CMTM7: variants seen among roughly 807,000 people sequenced by gnomAD.
CMTM7 encodes CKLF like MARVEL transmembrane domain containing 7, also known as CKLF-like MARVEL transmembrane domain-containing protein 7.
A neutral mutation model predicts 19.3 loss-of-function variants in CMTM7; 7 were observed. The ratio of observed to expected loss-of-function variants is 0.36; its 90% confidence interval spans 0.21 to 0.68. The LOEUF (loss-of-function observed/expected upper bound fraction) is 0.68. Ranked by LOEUF, CMTM7 falls within the 30% of genes least tolerant of loss-of-function variation. The pLI, the probability that CMTM7 is intolerant of heterozygous loss-of-function variation, is 0.60. For synonymous variants in CMTM7, 87 were observed against 99.3 expected (o/e 0.88, Z 0.74); for missense variants, 193 against 232.6 (o/e 0.83, Z 1.11).
chr3:32,426,453 A>G (rs1696434600), intron 1 of CMTM7, among the ~76,000 whole-genome samples: 1 of 152,236 alleles, frequency 6.6e-6, no homozygotes, highest in Non-Finnish European at 1.5e-5. Context: ...AAAAAGCATG[A>G]AGGGGAAATA....
chr3:32,424,637 GTT>G lies in CMTM7; in HGVS notation c.160-17190_160-17189del, dbSNP rs35838426. Among the ~76,000 whole-genome samples, 187 of 144,746 alleles carry G rather than the reference GTT, an allele frequency of 1.3e-3. No individual in the cohort carries two copies. In the East Asian group the frequency reaches 0.014, roughly 11 times the overall value. The allele number at this position is 144,746 out of a possible 152,430, so 95.0% of individuals were successfully genotyped here. On this transcript the variant is annotated intron_variant, in intron 1 of 4. Transcript: ENST00000334983. ...CAGACCACTGAGCCCTTGGGGAAAG[GTT>G]TTTTTTTTTTTTGCGGCTGGGGGGA...
At chr3:32,426,092 C>T (rs1467449088) in intron 1 of CMTM7, among the ~76,000 whole-genome samples, 1 of 152,186 alleles carries the variant, frequency 6.6e-6, no homozygotes, top group Non-Finnish European at 1.5e-5. Flanking sequence ...TTGCGGTGAG[C>T]CAAGATCGCA....
At chr3:32,452,929 T>TCAA in intron 4 of CMTM7, among the ~76,000 whole-genome samples, 1 of 115,740 alleles carries the variant, frequency 8.6e-6, no homozygotes, top group South Asian at 3.2e-4. Flanking sequence ...ATTTTTTTTT[T>TCAA]TTTTTTTTTT....
Position 32,410,053 on chromosome 3 carries a change from C to T in CMTM7, c.159+17988C>T, listed in dbSNP as rs1489792053. Among the ~76,000 whole-genome samples, 3 of 152,248 alleles carry T rather than the reference C, an allele frequency of 2.0e-5. No homozygotes were observed. In the East Asian group the frequency reaches 5.8e-4, roughly 29 times the overall value. The stretch of plus-strand genomic sequence containing the variant: ...TATAGTGAGGAAACAAAAACAAACC[C>T]AGGTCTAGGGTGCTCTGCTTCCCCT... On this transcript the variant is annotated intron_variant, in intron 1 of 4. Transcript: ENST00000334983.
At chr3:32,401,430 CG>C (rs1342344718) in intron 1 of CMTM7, among the ~76,000 whole-genome samples, 1 of 152,222 alleles carries the variant, frequency 6.6e-6, no homozygotes, top group African/African-American at 2.4e-5. Flanking sequence ...AGGAGGGGTT[CG>C]GGGTCGGTGT....
At position 32,449,304 on chromosome 3, in the gene CMTM7, G is replaced by T; in HGVS notation, c.334-150G>T. On this transcript the variant is annotated intron_variant, in intron 2 of 4. Coordinates refer to ENST00000334983, the MANE Select transcript of CMTM7 (RefSeq NM_138410.4). The surrounding 1 kb of genome is among the most constrained non-coding windows in gnomAD (Gnocchi z 4.5). ...CAGCCCGCATGTTGGCTGCCTGCGA[G>T]CGGCTCTGCTCATCCCATTTGCGTG... 1.5e-6 allele frequency: 1 copy of T among 668,456 alleles called. No homozygotes were observed. Among genetic ancestry groups the T allele is most frequent in the South Asian group, 1.7e-5 (1 of 58,042 alleles). The allele number at this position is 668,456 out of a possible 1,614,324, so 41.4% of individuals were successfully genotyped here. A position where few individuals can be genotyped will look rare whatever the true frequency, so the allele number is the denominator to read the frequency against.
At chr3:32,431,330 T>A (rs1696515404) in intron 1 of CMTM7, among the ~76,000 whole-genome samples, 1 of 152,168 alleles carries the variant, frequency 6.6e-6, no homozygotes, top group Admixed American at 6.5e-5. Context: ...TTATGGGTAA[T>A]TTTTGTTTTC....
intron 1 of CMTM7, 93 bp from the exon 2 acceptor site, chr3:32,441,747 C>A: frequency 9.4e-7 from 1 of 1,062,114 alleles, no homozygotes; most frequent in Non-Finnish European, 1.4e-6. Context: ...TCAATGTGGG[C>A]CTGCTGGGGG....
At chr3:32,402,923 A>T (rs1179504186) in intron 1 of CMTM7, among the ~76,000 whole-genome samples, 1 of 152,238 alleles carries the variant, frequency 6.6e-6, no homozygotes, top group African/African-American at 2.4e-5. Context: ...GGGGAAAAGG[A>T]GAAGTTAATT....
intron 1 of CMTM7, among the ~76,000 whole-genome samples, chr3:32,423,950 C>G (rs962456076): frequency 6.6e-6 from 1 of 152,206 alleles, no homozygotes; most frequent in Non-Finnish European, 1.5e-5. Flanking sequence ...ATGTTACTTT[C>G]AATAGAGGCC....
At chr3:32,407,605 G>C (rs1179646657) in intron 1 of CMTM7, among the ~76,000 whole-genome samples, 1 of 152,176 alleles carries the variant, frequency 6.6e-6, no homozygotes, top group Non-Finnish European at 1.5e-5. Flanking sequence ...CCTGGGAAAG[G>C]TGAAAGAGGC....
intron 1 of CMTM7, among the ~76,000 whole-genome samples, chr3:32,436,607 C>T (rs1559412009): frequency 6.6e-6 from 1 of 152,270 alleles, no homozygotes; most frequent in Non-Finnish European, 1.5e-5. Flanking sequence ...AGTTACTTCT[C>T]CTGCTCCTGC....
intron 1 of CMTM7, among the ~76,000 whole-genome samples, chr3:32,401,090 C>T (rs974544739): frequency 3.9e-5 from 6 of 152,174 alleles, no homozygotes; most frequent in African/African-American, 7.2e-5. Flanking sequence ...AAGCTGTAAT[C>T]ATATTTTTGG....
At chr3:32,402,997 G>T (rs543388780) in intron 1 of CMTM7, among the ~76,000 whole-genome samples, 1 of 152,318 alleles carries the variant, frequency 6.6e-6, no homozygotes, top group South Asian at 2.1e-4. Context: ...ACTGTATCGT[G>T]ACTTCTGAAT....
chr3:32,452,976 G>T (rs142110030), intron 4 of CMTM7, among the ~76,000 whole-genome samples: 4,714 of 115,756 alleles, frequency 0.041, 192 homozygotes, highest in East Asian at 0.24. Flanking sequence ...TCACCATGTT[G>T]CCCAGGCTGG....
intron 1 of CMTM7, among the ~76,000 whole-genome samples, chr3:32,415,050 G>A (rs1281012523): frequency 6.6e-6 from 1 of 151,976 alleles, no homozygotes; most frequent in African/African-American, 2.4e-5. Flanking sequence ...ACCAGCCAAA[G>A]TACTTTAGCT....
chr3:32,441,991 C>T lies in CMTM7; in HGVS notation c.311C>T (p.Thr104Ile). ...VHLFRFYRVL[T>I]CISWPLSELL... ...CTCTTCCGCTTCTACCGCGTGCTCACCTGTATCAGCTGGCCCCTGTCGGTA... is the reference window on the plus strand; with the variant it reads ...CTCTTCCGCTTCTACCGCGTGCTCATCTGTATCAGCTGGCCCCTGTCGGTA... Residue 104 changes from threonine (T) to isoleucine (I), a missense_variant, in exon 2 of 5, where the codon ACC (threonine) becomes ATC (isoleucine). Thr to Ile is a moderately conservative substitution (Grantham distance 89). Transcript: ENST00000334983. 3 of 1,614,198 alleles carry T rather than the reference C, an allele frequency of 1.9e-6. No individual in the cohort carries two copies. Among genetic ancestry groups the T allele is most frequent in the Non-Finnish European group, 2.5e-6 (3 of 1,180,030 alleles).
At chr3:32,397,732 CAAA>C (rs35149379) in intron 1 of CMTM7, among the ~76,000 whole-genome samples, 4 of 140,418 alleles carry the variant, frequency 2.8e-5, no homozygotes, top group South Asian at 2.2e-4. Context: ...GACTCTGTCT[CAAA>C]AAAAAAAAAA....
At chr3:32,410,694 C>G (rs992167483) in intron 1 of CMTM7, among the ~76,000 whole-genome samples, 1 of 152,232 alleles carries the variant, frequency 6.6e-6, no homozygotes, top group Non-Finnish European at 1.5e-5. Flanking sequence ...CTCCCACCCC[C>G]CACAGTTTGC....
Sources: allele counts gnomAD v4.1 joint callset (sites outside exome capture counted in the v4.1 genomes callset), GRCh38; gene constraint gnomAD v4.1.1; non-coding constraint Gnocchi (gnomAD v3.1); transcripts MANE v1.5; gene names NCBI Gene and HGNC (gene_info 2026-07-23, HGNC 2026-07-21).